The following UBE2E2 variants were observed in gnomAD, a reference collection of about 807,000 sequenced individuals.
The protein encoded by UBE2E2 is ubiquitin conjugating enzyme E2 E2, also known as ubiquitin-conjugating enzyme E2 E2.
In UBE2E2, 6 loss-of-function variants were observed where a neutral mutation model predicts 24.7. The observed-to-expected ratio is 0.24, with a 90% CI of 0.13 to 0.48. UBE2E2 has a LOEUF of 0.48. Ranked by LOEUF, UBE2E2 falls within the 20% of genes least tolerant of loss-of-function variation. The pLI, the probability that UBE2E2 is intolerant of heterozygous loss-of-function variation, is 0.99. For synonymous variants in UBE2E2, 104 were observed against 83.6 expected (o/e 1.24, Z -1.33); for missense variants, 169 against 245.0 (o/e 0.69, Z 2.07).
chr3:23,466,512 GC>G (rs1698921848), intron 3 of UBE2E2, among the ~76,000 whole-genome samples: 1 of 152,206 alleles, frequency 6.6e-6, no homozygotes, highest in Non-Finnish European at 1.5e-5. Context: ...CTTCAAAACA[GC>G]CTTATTCCTT....
intron 4 of UBE2E2, among the ~76,000 whole-genome samples, chr3:23,519,088 C>G (rs753743354): frequency 1.3e-4 from 20 of 152,196 alleles, no homozygotes; most frequent in Non-Finnish European, 2.4e-4. Flanking sequence ...CTCCTTCACT[C>G]CTTCCCTAAG....
chr3:23,476,671 G>C (rs1463124198), intron 3 of UBE2E2, among the ~76,000 whole-genome samples: 2 of 152,068 alleles, frequency 1.3e-5, no homozygotes, highest in Non-Finnish European at 2.9e-5. Context: ...CTGGACAACA[G>C]AGCAAGACCC....
intron 3 of UBE2E2, among the ~76,000 whole-genome samples, chr3:23,365,513 C>T (rs764788555): frequency 2.6e-5 from 4 of 152,118 alleles, no homozygotes; most frequent in Middle Eastern, 3.2e-3. Context: ...CAATCGCATT[C>T]ACAATAGCTA....
intron 3 of UBE2E2, among the ~76,000 whole-genome samples, chr3:23,467,045 A>G (rs1374965236): frequency 6.6e-6 from 1 of 152,184 alleles, no homozygotes; most frequent in Admixed American, 6.5e-5. Flanking sequence ...GTCTGAGGTA[A>G]AACCCCAAAG....
chr3:23,365,597 CT>C (rs1011589819), intron 3 of UBE2E2, among the ~76,000 whole-genome samples: 31 of 152,106 alleles, frequency 2.0e-4, no homozygotes, highest in African/African-American at 7.5e-4. Flanking sequence ...TTACAAAACA[CT>C]GCCCAAAGAC....
At position 23,583,757 on chromosome 3, in the gene UBE2E2, A is replaced by C. The variant is rs974595745; in HGVS notation, c.509-5977A>C. Among the ~76,000 whole-genome samples, 1 of 152,154 alleles carries C rather than the reference A, an allele frequency of 6.6e-6. No homozygotes were observed. The highest frequency in any genetic ancestry group is 2.4e-5 in the African/African-American group (1 of 41,426). On this transcript the variant is annotated intron_variant, in intron 5 of 5. Coordinates refer to ENST00000396703, the MANE Select transcript of UBE2E2 (RefSeq NM_152653.4). This position sits in a 1 kb window ranked among gnomAD's most constrained non-coding sequence, Gnocchi z 4.1. The stretch of plus-strand genomic sequence containing the variant: ...ATAGAAATGCTACTGATTTTTGTGC[A>C]TTGATTTTGTATCCTGACACTTTGC...
At chr3:23,554,840 A>G (rs1695736949) in intron 5 of UBE2E2, among the ~76,000 whole-genome samples, 1 of 152,148 alleles carries the variant, frequency 6.6e-6, no homozygotes, top group Non-Finnish European at 1.5e-5. Flanking sequence ...AGGGGTTAAT[A>G]CCCAAAATTT....
rs142614397 is a variant in UBE2E2, at chr3:23,308,229, A to G, written c.227+90917A>G. Among the ~76,000 whole-genome samples the G allele has an allele frequency of 2.6e-5, 4 of 152,324 alleles. No homozygotes were observed. The East Asian group carries it at 7.7e-4, about 29-fold the overall frequency. On this transcript the variant is annotated intron_variant, in intron 3 of 5. Coordinates refer to ENST00000396703, the MANE Select transcript of UBE2E2 (RefSeq NM_152653.4). ...TATTGTCAGGATTAAGTGAGATGAA[A>G]TATGTGTAGTAACTAGAGCAATGTC... is the stretch of plus-strand genomic sequence containing the variant.
intron 3 of UBE2E2, among the ~76,000 whole-genome samples, chr3:23,309,164 C>G (rs1699311491): frequency 6.6e-6 from 1 of 152,202 alleles, no homozygotes; most frequent in African/African-American, 2.4e-5. Flanking sequence ...CACTGACTCA[C>G]AGGGGTGCCT....
In UBE2E2 at chr3:23,293,411, A is replaced by G. The variant is rs553449649; in HGVS notation, c.227+76099A>G. Among the ~76,000 whole-genome samples the G allele has an allele frequency of 6.6e-5, 10 of 152,372 alleles. No homozygotes were observed. In the East Asian group the frequency reaches 1.2e-3, roughly 18 times the overall value. ...GATCAAATTCATTTTGTCTAACACT[A>G]TATCTCAAATGCATAATATTGTGTC... On this transcript the variant is annotated intron_variant, in intron 3 of 5. Transcript: ENST00000396703.
chr3:23,375,189 CTT>C (rs1397040808), intron 3 of UBE2E2, among the ~76,000 whole-genome samples: 2 of 152,082 alleles, frequency 1.3e-5, no homozygotes, highest in Non-Finnish European at 2.9e-5. Context: ...TTATTAGAAA[CTT>C]TGCTCTTTGT....
chr3:23,335,474 A>G (rs1214740752), intron 3 of UBE2E2, among the ~76,000 whole-genome samples: 1 of 152,186 alleles, frequency 6.6e-6, no homozygotes, highest in African/African-American at 2.4e-5. Context: ...TTCTTGTAGC[A>G]GTGTCTATAT....
intron 3 of UBE2E2, among the ~76,000 whole-genome samples, chr3:23,259,141 T>G (rs1467236411): frequency 6.6e-6 from 1 of 152,090 alleles, no homozygotes; most frequent in Non-Finnish European, 1.5e-5. Context: ...AACAGGGGCA[T>G]AAATATTACC....
chr3:23,485,923 G>C (rs1027419061), intron 3 of UBE2E2, among the ~76,000 whole-genome samples: 1 of 152,186 alleles, frequency 6.6e-6, no homozygotes, highest in Non-Finnish European at 1.5e-5. Flanking sequence ...GAGGAGGTGA[G>C]CCCTACTAGT....
At chr3:23,529,737 T>TA (rs1401915077) in intron 4 of UBE2E2, among the ~76,000 whole-genome samples, 1 of 152,252 alleles carries the variant, frequency 6.6e-6, no homozygotes, top group Non-Finnish European at 1.5e-5. Context: ...ATTTAGCACT[T>TA]AAAGGGATAG....
intron 3 of UBE2E2, among the ~76,000 whole-genome samples, chr3:23,265,463 C>T (rs1015562868): frequency 1.3e-5 from 2 of 152,096 alleles, no homozygotes; most frequent in Non-Finnish European, 2.9e-5. Flanking sequence ...CTATCCTGAA[C>T]TCTAAATAAG....
intron 3 of UBE2E2, among the ~76,000 whole-genome samples, chr3:23,295,186 T>G (rs1698877196): frequency 6.6e-6 from 1 of 152,236 alleles, no homozygotes; most frequent in South Asian, 2.1e-4. Flanking sequence ...AGTGACATCT[T>G]CATGCTAAAT....
At chr3:23,337,520 C>CTG (rs1307078816) in intron 3 of UBE2E2, among the ~76,000 whole-genome samples, 1 of 152,130 alleles carries the variant, frequency 6.6e-6, no homozygotes, top group African/African-American at 2.4e-5. Context: ...TTGAGAGATG[C>CTG]TGTGTGCTTT....
At chr3:23,325,260 A>T (rs532452421) in intron 3 of UBE2E2, among the ~76,000 whole-genome samples, 14 of 152,300 alleles carry the variant, frequency 9.2e-5, no homozygotes, top group African/African-American at 3.4e-4. Flanking sequence ...ATTTAATAAT[A>T]AAATGTGTTT....
Sources: allele counts gnomAD v4.1 joint callset (sites outside exome capture counted in the v4.1 genomes callset), GRCh38; gene constraint gnomAD v4.1.1; non-coding constraint Gnocchi (gnomAD v3.1); transcripts MANE v1.5; gene names NCBI Gene and HGNC (gene_info 2026-07-23, HGNC 2026-07-21).